BBX: variants seen among roughly 807,000 people sequenced by gnomAD.
The protein encoded by BBX is HMG box transcription factor BBX.
BBX carries 30 observed loss-of-function variants against 100.2 expected under a neutral mutation model. That is an observed-to-expected ratio of 0.30 (90% CI 0.22 to 0.41). The LOEUF is 0.41. Among genes scored for constraint, BBX ranks in the 10% least tolerant of loss-of-function variants. BBX has a pLI of 1.00. For synonymous variants in BBX, 376 were observed against 388.1 expected (o/e 0.97, Z 0.37); for missense variants, 1,023 against 1,129.8 (o/e 0.91, Z 1.35).
At chr3:107,754,010 T>C (rs1162279235) in intron 9 of BBX, among the ~76,000 whole-genome samples, 1 of 152,236 alleles carries the variant, frequency 6.6e-6, no homozygotes. Flanking sequence ...AGCACTGCCC[T>C]ACACTAGCAT....
intron 13 of BBX, among the ~76,000 whole-genome samples, chr3:107,788,530 C>T (rs2068665284): frequency 6.6e-6 from 1 of 152,060 alleles, no homozygotes; most frequent in Non-Finnish European, 1.5e-5. Flanking sequence ...CACCTGTAAT[C>T]CCAGCATTTT....
chr3:107,523,355 C>A (rs1284640652), intron 1 of BBX: 1 of 153,758 alleles, frequency 6.5e-6, no homozygotes, highest in South Asian at 1.9e-4. Flanking sequence ...AACTTTGGGT[C>A]GGGAGAGGTC....
At chr3:107,791,406 A>G in intron 15 of BBX, 107 bp downstream of exon 15, 1 of 878,616 alleles carries the variant, frequency 1.1e-6, no homozygotes, top group Non-Finnish European at 1.8e-6. Flanking sequence ...CAACAGCACT[A>G]GACTTATGTG....
intron 3 of BBX, among the ~76,000 whole-genome samples, chr3:107,688,032 G>A (rs930723617): frequency 6.6e-6 from 1 of 151,954 alleles, no homozygotes. Context: ...TCTAGCCTGC[G>A]TGATGAGCGA....
chr3:107,785,217 A>G (rs1452559830), intron 13 of BBX, among the ~76,000 whole-genome samples: 8 of 151,190 alleles, frequency 5.3e-5, no homozygotes, highest in Admixed American at 3.9e-4. Context: ...TGGCATCACC[A>G]CTGTATTCTA....
At chr3:107,573,662 A>G (rs1048040586) in intron 2 of BBX, among the ~76,000 whole-genome samples, 1 of 152,188 alleles carries the variant, frequency 6.6e-6, no homozygotes, top group Non-Finnish European at 1.5e-5. Flanking sequence ...TTTGTTAAAT[A>G]TTTTCAGTAC....
intron 2 of BBX, among the ~76,000 whole-genome samples, chr3:107,556,492 T>A (rs1265081517): frequency 6.6e-6 from 1 of 152,188 alleles, no homozygotes; most frequent in African/African-American, 2.4e-5. Flanking sequence ...TATACAGCTT[T>A]ATAAGTACCT....
In BBX at chr3:107,772,807, A is replaced by C; in HGVS notation, c.1086A>C (p.Glu362Asp). ...CAGAATTTGAAAAATCGGCTAAGGA[A>C]AATTTAAGAGATTCTAAGGAATTGA... ...KEAEFEKSAK[E>D]NLRDSKELRN... Residue 362 changes from glutamate to aspartate, a missense_variant, in exon 11 of 18, where the codon GAA (glutamate) becomes GAC (aspartate). By Grantham distance (45) the Glu-to-Asp change is conservative. Coordinates refer to ENST00000325805, the MANE Select transcript of BBX (RefSeq NM_001142568.3). 2.5e-6 allele frequency: 4 copies of C among 1,613,542 alleles called. No individual in the cohort carries two copies. The South Asian group carries it at 4.4e-5, about 18-fold the overall frequency.
At chr3:107,553,612 A>G (rs1228922026) in intron 2 of BBX, among the ~76,000 whole-genome samples, 1 of 152,224 alleles carries the variant, frequency 6.6e-6, no homozygotes, top group East Asian at 1.9e-4. Flanking sequence ...GTTAAGGACA[A>G]GAAAACCGTA....
chr3:107,728,369 A>G (rs1199812872), intron 5 of BBX, among the ~76,000 whole-genome samples: 1 of 152,152 alleles, frequency 6.6e-6, no homozygotes, highest in Non-Finnish European at 1.5e-5. Context: ...TGAGGCCCAG[A>G]GAAGCTACCT....
intron 2 of BBX, among the ~76,000 whole-genome samples, chr3:107,591,912 A>G (rs554184199): frequency 6.6e-6 from 1 of 152,344 alleles, no homozygotes; most frequent in South Asian, 2.1e-4. Flanking sequence ...TAAAGGGAAG[A>G]TATTTGAAAG....
At chr3:107,541,227 T>C (rs1398506508) in intron 2 of BBX, among the ~76,000 whole-genome samples, 1 of 152,320 alleles carries the variant, frequency 6.6e-6, no homozygotes, top group African/African-American at 2.4e-5. Flanking sequence ...ACCTAGGATA[T>C]TGAGTTTGCA....
chr3:107,714,550 C>G (rs1248258090), intron 4 of BBX, among the ~76,000 whole-genome samples: 2 of 152,080 alleles, frequency 1.3e-5, no homozygotes, highest in Non-Finnish European at 2.9e-5. Context: ...TAATAGTACA[C>G]TTTTTAGTTT....
rs535133185 is a variant in BBX at position 107,590,891 on chromosome 3, G to GT, written c.-83-54943dup. ...GAATTAAGCTGGTTTGGAGTATGGA[G>GT]TTGGGGTTCCACTCAACAGTGGCAG... is the stretch of plus-strand genomic sequence containing the variant. On this transcript the variant is annotated intron_variant, in intron 2 of 17. Transcript: ENST00000325805. 8.4e-3 allele frequency among the ~76,000 whole-genome samples: 1,275 copies of GT among 152,350 alleles called. 24 individuals are homozygous for GT. The highest frequency in any genetic ancestry group is 0.029 in the African/African-American group (1,214 of 41,578).
intron 10 of BBX, among the ~76,000 whole-genome samples, chr3:107,757,866 T>C (rs911247365): frequency 1.3e-5 from 2 of 152,232 alleles, no homozygotes; most frequent in African/African-American, 4.8e-5. Flanking sequence ...GTCTGCAATT[T>C]GAAGACACAA....
chr3:107,663,085 T>C (rs974261924), intron 3 of BBX, among the ~76,000 whole-genome samples: 1 of 152,168 alleles, frequency 6.6e-6, no homozygotes, highest in Non-Finnish European at 1.5e-5. Flanking sequence ...ATTAGAAAAC[T>C]GTGTTTCACA....
At chr3:107,586,793 C>T (rs757113836) in intron 2 of BBX, among the ~76,000 whole-genome samples, 2 of 151,650 alleles carry the variant, frequency 1.3e-5, no homozygotes, top group African/African-American at 2.4e-5. Flanking sequence ...TCTTTTTGCC[C>T]AGGCTAGAGT....
chr3:107,582,920 ATTGTGCTCT>A (rs1351292561), intron 2 of BBX, among the ~76,000 whole-genome samples: 2 of 151,916 alleles, frequency 1.3e-5, no homozygotes, highest in Non-Finnish European at 2.9e-5. Context: ...TGTGCAGTGT[ATTGTGCTCT>A]TTGCTTTGCT....
intron 2 of BBX, among the ~76,000 whole-genome samples, chr3:107,553,295 A>G (rs149069206): frequency 2.0e-5 from 3 of 152,352 alleles, no homozygotes; most frequent in African/African-American, 4.8e-5. Context: ...AGACTAAGAG[A>G]TAGACATTAT....
Sources: gnomAD v4.1 joint callset for allele counts (sites outside exome capture counted in the v4.1 genomes callset) on GRCh38, gnomAD v4.1.1 for gene constraint, MANE v1.5 for transcripts, NCBI Gene and HGNC (gene_info 2026-07-23, HGNC 2026-07-21) for gene names.